Variants in CACNG5 observed in about 807,000 individuals in gnomAD.
The protein encoded by CACNG5 is voltage-dependent calcium channel gamma-5 subunit.
A neutral mutation model predicts 24.8 loss-of-function variants in CACNG5; 18 were observed. That is an observed-to-expected ratio of 0.73 (90% CI 0.50 to 1.08). The LOEUF (loss-of-function observed/expected upper bound fraction) is 1.08. Among genes scored for constraint, CACNG5 ranks in the 50% least tolerant of loss-of-function variants. The pLI is 0.00. For synonymous variants in CACNG5, 157 were observed against 149.1 expected, an observed-to-expected ratio of 1.05 and a Z score of -0.39; for missense variants, 349 against 367.9, an observed-to-expected ratio of 0.95 and a Z score of 0.42.
At chr17:66,875,435 C>T (rs1977062275) in intron 1 of CACNG5, among the ~76,000 whole-genome samples, 1 of 152,158 alleles carries the variant, frequency 6.6e-6, no homozygotes, top group African/African-American at 2.4e-5. Flanking sequence ...ATATATGGCT[C>T]ACTCTGTAGA....
At chr17:66,884,735 G>T (rs781214774) in intron 5 of CACNG5, 74 bp downstream of exon 5, 4 of 1,613,928 alleles carry the variant, frequency 2.5e-6, no homozygotes, top group Non-Finnish European at 8.5e-7. Flanking sequence ...GAGTGGGGAT[G>T]GGGGAGAAGG....
intron 1 of CACNG5, among the ~76,000 whole-genome samples, chr17:66,875,963 T>G (rs1373826023): frequency 6.6e-6 from 1 of 152,200 alleles, no homozygotes; most frequent in African/African-American, 2.4e-5. Flanking sequence ...TCCTGGGCTT[T>G]CCCCATCATA....
intron 1 of CACNG5, among the ~76,000 whole-genome samples, chr17:66,862,441 G>A (rs11079669): frequency 0.63 from 95,768 of 151,576 alleles, 30,576 homozygotes; most frequent in East Asian, 0.88. Context: ...CTCTGTATAT[G>A]TGTGTGTGTG....
chr17:66,880,704 T>C lies in CACNG5; in HGVS notation c.424+7T>C. 1 of 1,612,276 alleles carries C rather than the reference T, an allele frequency of 6.2e-7. No homozygotes were observed. On this transcript the variant is annotated splice_region_variant and intron_variant, in intron 4 of 5. Coordinates refer to ENST00000533854, the MANE Select transcript of CACNG5 (RefSeq NM_145811.3). Reference sequence around the variant, plus strand: ...ATCTTCTTTATCCTCTCAGGTAAGTTGTGTTGTTTTCTTTTCTTGCACCCT... The same window carrying C: ...ATCTTCTTTATCCTCTCAGGTAAGTCGTGTTGTTTTCTTTTCTTGCACCCT...
At chr17:66,881,711 C>G (rs1977160332) in intron 4 of CACNG5, among the ~76,000 whole-genome samples, 1 of 151,928 alleles carries the variant, frequency 6.6e-6, no homozygotes, top group Non-Finnish European at 1.5e-5. Context: ...GGGGCCAAGA[C>G]CAGTGACTGA....
At position 66,893,461 on chromosome 17, in the gene CACNG5, C is replaced by T. The variant is rs76905139; in HGVS notation, c.*8221C>T. On this transcript the variant is annotated 3_prime_UTR_variant, in exon 6 of 6. Coordinates refer to ENST00000533854, the MANE Select transcript of CACNG5 (RefSeq NM_145811.3). ...TGGTCAGCCCGTGGTGGAACCTCGC[C>T]ACACTCTTGTTCTGGATAAATTGAA... 0.027 allele frequency among the ~76,000 whole-genome samples: 4,121 copies of T among 152,298 alleles called. 101 individuals are homozygous for T. The highest frequency in any genetic ancestry group is 0.042 in the Non-Finnish European group (2,878 of 68,024).
Position 66,877,405 on chromosome 17 carries a change from G to A in CACNG5, c.73G>A (p.Gly25Ser). 1 of 1,614,084 alleles carries A rather than the reference G, an allele frequency of 6.2e-7. No homozygotes were observed. The highest frequency in any genetic ancestry group is 1.1e-5 in the South Asian group (1 of 91,074). ...TGCTGTCTGTGGCTTGGGCCTCCTG[G>A]GTATCGCGGTCAGCACCGACTACTG... Reference protein sequence around the residue: ...VFAVCGLGLLGIAVSTDYWLY... With the variant: ...VFAVCGLGLLSIAVSTDYWLY... Residue 25 changes from glycine to serine, a missense_variant, in exon 2 of 6, where the codon GGT (glycine) becomes AGT (serine). Gly to Ser is a moderately conservative substitution (Grantham distance 56, BLOSUM62 0). Transcript: ENST00000533854.
At position 66,886,568 on chromosome 17, in the gene CACNG5, T is replaced by C. The variant is rs973242273; in HGVS notation, c.*1328T>C. On this transcript the variant is annotated 3_prime_UTR_variant, in exon 6 of 6. Transcript: ENST00000533854. ...ATGTTTTTGGTTTTGAGATTTTGAG[T>C]AGCAAAGCAATGCTGTGTGTCGCTG... Among the ~76,000 whole-genome samples, 3 of 152,164 alleles carry C rather than the reference T, an allele frequency of 2.0e-5. No individual in the cohort carries two copies. Among genetic ancestry groups the C allele is most frequent in the African/African-American group, 7.2e-5 (3 of 41,442 alleles).
chr17:66,865,978 G>A (rs1287689693), intron 1 of CACNG5, among the ~76,000 whole-genome samples: 2 of 151,920 alleles, frequency 1.3e-5, no homozygotes, highest in Admixed American at 6.6e-5. Flanking sequence ...AAAACAATTC[G>A]TATTGTTTAA....
chr17:66,856,649 C>T (rs772366351), intron 1 of CACNG5, among the ~76,000 whole-genome samples: 4 of 150,984 alleles, frequency 2.6e-5, no homozygotes, highest in Non-Finnish European at 4.4e-5. Context: ...TCAAGCAATT[C>T]TCCTGTCTCA....
At chr17:66,853,148 C>T (rs940392855) in intron 1 of CACNG5, among the ~76,000 whole-genome samples, 2 of 152,248 alleles carry the variant, frequency 1.3e-5, no homozygotes, top group South Asian at 2.1e-4. Context: ...CTCATTTGGC[C>T]TAATGCTTTC....
intron 1 of CACNG5, among the ~76,000 whole-genome samples, chr17:66,852,438 A>C (rs138043764): frequency 1.9e-4 from 29 of 152,324 alleles, no homozygotes; most frequent in African/African-American, 7.0e-4. Context: ...GAACCCTAAT[A>C]GAAAATTGAA....
chr17:66,881,808 G>A (rs1977161879), intron 4 of CACNG5, among the ~76,000 whole-genome samples: 1 of 152,112 alleles, frequency 6.6e-6, no homozygotes, highest in South Asian at 2.1e-4. Context: ...AGTGAGGTTG[G>A]GGGTGGGGGT....
chr17:66,878,032 C>T (rs894068241), intron 2 of CACNG5, among the ~76,000 whole-genome samples: 1 of 152,224 alleles, frequency 6.6e-6, no homozygotes, highest in Non-Finnish European at 1.5e-5. Flanking sequence ...CTCTGTTCCT[C>T]ACTCCATAAA....
chr17:66,890,566 G>T lies in CACNG5; in HGVS notation c.*5326G>T, dbSNP rs1284705226. Among the ~76,000 whole-genome samples the T allele has an allele frequency of 6.6e-6, 1 of 152,204 alleles. No homozygotes were observed. The highest frequency in any genetic ancestry group is 2.1e-4 in the South Asian group (1 of 4,828). On this transcript the variant is annotated 3_prime_UTR_variant, in exon 6 of 6. Transcript: ENST00000533854. ...CTGCCTCCACCTTCTGGTGTGTGAA[G>T]CCAGGACTCCCTGTGTGCTCACTGT... is the stretch of plus-strand genomic sequence containing the variant.
chr17:66,867,230 GT>G (rs1167257132), intron 1 of CACNG5, among the ~76,000 whole-genome samples: 2 of 151,962 alleles, frequency 1.3e-5, no homozygotes, highest in Admixed American at 6.6e-5. Context: ...GTGATGTTGA[GT>G]TTTTTTTCAT....
At chr17:66,875,577 A>T (rs1186032893) in intron 1 of CACNG5, among the ~76,000 whole-genome samples, 1 of 151,946 alleles carries the variant, frequency 6.6e-6, no homozygotes, top group Non-Finnish European at 1.5e-5. Context: ...GTCAACTCAG[A>T]CTCTGCAGAC....
chr17:66,877,541 A>T lies in CACNG5; in HGVS notation c.196+13A>T. On this transcript the variant is annotated intron_variant, in intron 2 of 5. Coordinates refer to ENST00000533854, the MANE Select transcript of CACNG5 (RefSeq NM_145811.3). ...TGCTTCCTTGCAGGTAAGGGTGCCCAGGGTTGGGGACAGCCCTGCCCCCTG... is the reference window on the plus strand; with the variant it reads ...TGCTTCCTTGCAGGTAAGGGTGCCCTGGGTTGGGGACAGCCCTGCCCCCTG... 1 of 1,611,118 alleles carries T rather than the reference A, an allele frequency of 6.2e-7. No individual in the cohort carries two copies. Among genetic ancestry groups the T allele is most frequent in the Non-Finnish European group, 8.5e-7 (1 of 1,178,538 alleles).
chr17:66,891,478 T>C lies in CACNG5; in HGVS notation c.*6238T>C, dbSNP rs1369294483. Among the ~76,000 whole-genome samples the C allele has an allele frequency of 6.6e-6, 1 of 152,170 alleles. No homozygotes were observed. The highest frequency in any genetic ancestry group is 1.5e-5 in the Non-Finnish European group (1 of 68,028). On this transcript the variant is annotated 3_prime_UTR_variant, in exon 6 of 6. Transcript: ENST00000533854. ...CTTCCCTGCTCATTGGTGTGGCAAT[T>C]GCATCCACTGAGACTTCAGCTAAGG...
Sources: gnomAD v4.1 joint callset for allele counts (sites outside exome capture counted in the v4.1 genomes callset) on GRCh38, gnomAD v4.1.1 for gene constraint, MANE v1.5 for transcripts, NCBI Gene and HGNC (gene_info 2026-07-23, HGNC 2026-07-21) for gene names.